The following KCNMA1 variants were observed in gnomAD, a reference collection of about 807,000 sequenced individuals.
The protein encoded by KCNMA1 is Calcium-activated potassium channel subunit alpha-1.
KCNMA1 carries 29 observed loss-of-function variants against 140.0 expected under a neutral mutation model. The observed-to-expected ratio is 0.21, with a 90% CI of 0.15 to 0.28. The LOEUF is 0.28. Ranked by LOEUF, KCNMA1 falls within the 10% of genes least tolerant of loss-of-function variation. The pLI is 1.00. For missense variants in KCNMA1, 880 were observed against 1,602.2 expected (o/e 0.55, Z 7.70); for synonymous variants, 612 against 611.9 (o/e 1.00, Z 0.00).
intron 19 of KCNMA1, among the ~76,000 whole-genome samples, chr10:76,982,820 G>C (rs2079965489): frequency 6.6e-6 from 1 of 152,164 alleles, no homozygotes; most frequent in Non-Finnish European, 1.5e-5. Context: ...CCTTTCCAAG[G>C]TAAGAAACAC....
At chr10:77,510,142 C>T (rs572333000) in intron 1 of KCNMA1, among the ~76,000 whole-genome samples, 4 of 152,184 alleles carry the variant, frequency 2.6e-5, no homozygotes, top group African/African-American at 4.8e-5. Context: ...GGGGTACAAT[C>T]GCAGCTCCAC....
chr10:77,637,505 AGAGGAGGAG>A lies in KCNMA1; in HGVS notation c.129_137del (p.Ser58_Ser60del). On this transcript the variant is annotated inframe_deletion, in exon 1 of 28. Coordinates refer to ENST00000286628, the MANE Select transcript of KCNMA1 (RefSeq NM_001161352.2). Reference sequence around the variant, plus strand: ...AGGAGGAGGAAGAAGAAGAAGAGGAAGAGGAGGAGGAGGAGGAGGAGGACGCGTCTAGGC... The same window carrying A: ...AGGAGGAGGAAGAAGAAGAAGAGGAAGAGGAGGAGGAGGACGCGTCTAGGC... 4 of 1,572,946 alleles carry A rather than the reference AGAGGAGGAG, an allele frequency of 2.5e-6. No individual in the cohort carries two copies. The highest frequency in any genetic ancestry group is 3.5e-6 in the Non-Finnish European group (4 of 1,152,386).
intron 1 of KCNMA1, among the ~76,000 whole-genome samples, chr10:77,563,430 A>G (rs912260253): frequency 3.9e-5 from 6 of 151,960 alleles, no homozygotes; most frequent in Non-Finnish European, 8.8e-5. Flanking sequence ...TTCATTACCC[A>G]TCCTTTGATG....
intron 3 of KCNMA1, among the ~76,000 whole-genome samples, chr10:77,221,953 T>A (rs2049835350): frequency 6.6e-6 from 1 of 152,216 alleles, no homozygotes; most frequent in Non-Finnish European, 1.5e-5. Context: ...CTGCATGAAT[T>A]TAGACAAATG....
chr10:77,611,634 T>C lies in KCNMA1; in HGVS notation c.378+25631A>G, dbSNP rs543868208. Among the ~76,000 whole-genome samples the C allele has an allele frequency of 2.3e-4, 31 of 136,582 alleles. No individual in the cohort carries two copies. In the East Asian group the frequency reaches 4.4e-3, roughly 19 times the overall value. 89.6% of individuals were successfully genotyped at this position (136,582 alleles called of 152,430 possible). A position where few individuals can be genotyped will look rare whatever the true frequency, so the allele number is the denominator to read the frequency against. ...GTTCTCCATTAAGTGTGACTTATTA[T>C]CATTTTTTTTTCCAAGCTTCTCTGC... On this transcript the variant is annotated intron_variant, in intron 1 of 27. Transcript: ENST00000286628.
chr10:76,978,422 T>C (rs1424477350), intron 19 of KCNMA1: 1 of 152,334 alleles, frequency 6.6e-6, no homozygotes, highest in East Asian at 1.9e-4. Flanking sequence ...TTATCCTTGA[T>C]TTTTCTTCCC....
intron 19 of KCNMA1, among the ~76,000 whole-genome samples, chr10:76,971,766 T>G (rs2076152172): frequency 6.6e-6 from 1 of 151,898 alleles, no homozygotes; most frequent in Admixed American, 6.6e-5. Flanking sequence ...CCAAAGCAAA[T>G]CACACAGAGA....
chr10:76,899,989 T>A (rs963060207), intron 25 of KCNMA1, among the ~76,000 whole-genome samples: 1 of 152,118 alleles, frequency 6.6e-6, no homozygotes, highest in Non-Finnish European at 1.5e-5. Flanking sequence ...TTTCTGTATT[T>A]AAAATTTAAT....
intron 2 of KCNMA1, among the ~76,000 whole-genome samples, chr10:77,346,223 G>A (rs1402308616): frequency 2.0e-5 from 3 of 152,152 alleles, no homozygotes; most frequent in African/African-American, 7.2e-5. Flanking sequence ...TTAAAACCCA[G>A]TCATGCAAAG....
intron 2 of KCNMA1, among the ~76,000 whole-genome samples, chr10:77,274,322 TCCTTCCCTAAA>T (rs2066006655): frequency 6.6e-6 from 1 of 152,098 alleles, no homozygotes; most frequent in Non-Finnish European, 1.5e-5. Context: ...AAATCCCCTC[TCCTTCCCTAAA>T]CCTTCCAAAG....
intron 3 of KCNMA1, among the ~76,000 whole-genome samples, chr10:77,240,558 C>T (rs993728071): frequency 2.0e-5 from 3 of 152,114 alleles, no homozygotes; most frequent in Non-Finnish European, 4.4e-5. Context: ...AACAGGAGGC[C>T]CAAATCTGGC....
intron 1 of KCNMA1, among the ~76,000 whole-genome samples, chr10:77,614,264 C>A (rs577694767): frequency 2.6e-5 from 4 of 152,290 alleles, no homozygotes; most frequent in Admixed American, 1.3e-4. Context: ...TTCATTCATT[C>A]GCCCACCATC....
At chr10:76,948,395 C>T (rs1432315321) in intron 22 of KCNMA1, among the ~76,000 whole-genome samples, 3 of 152,176 alleles carry the variant, frequency 2.0e-5, no homozygotes, top group East Asian at 3.9e-4. Context: ...TGGAGAATTA[C>T]ATCAAATGTT....
intron 15 of KCNMA1, among the ~76,000 whole-genome samples, chr10:77,037,443 G>A (rs1433231837): frequency 5.9e-5 from 9 of 152,168 alleles, no homozygotes; most frequent in Admixed American, 2.6e-4. Context: ...GCAACTAGTT[G>A]ATATCTACGT....
chr10:77,320,377 T>C (rs548784506), intron 2 of KCNMA1, among the ~76,000 whole-genome samples: 1 of 152,286 alleles, frequency 6.6e-6, no homozygotes, highest in African/African-American at 2.4e-5. Flanking sequence ...CAGGTTTCTC[T>C]GCAAGGAAGG....
intron 1 of KCNMA1, among the ~76,000 whole-genome samples, chr10:77,432,528 AAG>A (rs749774067): frequency 2.6e-5 from 4 of 152,194 alleles, no homozygotes; most frequent in Non-Finnish European, 4.4e-5. Context: ...TGCAGAAATG[AAG>A]AGACTCACTC....
intron 1 of KCNMA1, among the ~76,000 whole-genome samples, chr10:77,604,694 C>A (rs1444083730): frequency 3.3e-5 from 5 of 151,932 alleles, no homozygotes; most frequent in African/African-American, 7.3e-5. Context: ...CCCCCGCCCC[C>A]CAAAAAAAAG....
At chr10:76,947,641 T>C (rs1204501462) in intron 22 of KCNMA1, among the ~76,000 whole-genome samples, 1 of 152,258 alleles carries the variant, frequency 6.6e-6, no homozygotes, top group East Asian at 1.9e-4. Flanking sequence ...CTCCTCTGTG[T>C]ATGACTGTTT....
intron 2 of KCNMA1, among the ~76,000 whole-genome samples, chr10:77,293,001 C>T (rs1211720585): frequency 4.6e-5 from 7 of 152,058 alleles, no homozygotes; most frequent in African/African-American, 1.4e-4. Flanking sequence ...ATCTGAAGAA[C>T]GCAATGGATC....
Sources: allele counts gnomAD v4.1 joint callset (sites outside exome capture counted in the v4.1 genomes callset), GRCh38; gene constraint gnomAD v4.1.1; transcripts MANE v1.5; gene names NCBI Gene and HGNC (gene_info 2026-07-23, HGNC 2026-07-21).